PAPPA2: variants seen among roughly 807,000 people sequenced by gnomAD.
PAPPA2 encodes pappalysin 2, also known as pappalysin-2.
A neutral mutation model predicts 176.4 loss-of-function variants in PAPPA2; 86 were observed. The ratio of observed to expected loss-of-function variants is 0.49; its 90% CI spans 0.41 to 0.58. The LOEUF (loss-of-function observed/expected upper bound fraction) is 0.58. Ranked by LOEUF, PAPPA2 falls within the 20% of genes least tolerant of loss-of-function variation. The pLI, the probability that PAPPA2 is intolerant of heterozygous loss-of-function variation, is 0.00. For synonymous variants in PAPPA2, 809 were observed against 852.2 expected (o/e 0.95, Z 0.88); for missense variants, 2,073 against 2,256.9 (o/e 0.92, Z 1.65).
chr1:176,500,981 A>G (rs1289332275), intron 1 of PAPPA2, among the ~76,000 whole-genome samples: 1 of 151,760 alleles, frequency 6.6e-6, no homozygotes, highest in Non-Finnish European at 1.5e-5. Context: ...GCGTACTGTC[A>G]ACCTTACTAG....
At chr1:176,565,677 C>T (rs1278009184) in intron 2 of PAPPA2, among the ~76,000 whole-genome samples, 1 of 152,184 alleles carries the variant, frequency 6.6e-6, no homozygotes, top group Non-Finnish European at 1.5e-5. Context: ...GCCTGGGGGA[C>T]AGAATGAGAA....
intron 1 of PAPPA2, among the ~76,000 whole-genome samples, chr1:176,497,492 A>T (rs781771789): frequency 3.0e-4 from 46 of 152,340 alleles, no homozygotes; most frequent in Non-Finnish European, 5.7e-4. Flanking sequence ...TGGAGCAGGG[A>T]TTTCAATCTG....
At chr1:176,537,188 T>C (rs2102560148) in intron 1 of PAPPA2, 1 of 152,324 alleles carries the variant, frequency 6.6e-6, no homozygotes, top group Middle Eastern at 3.4e-3. Context: ...GGTAAGCATG[T>C]TGTTGAAATA....
intron 3 of PAPPA2, among the ~76,000 whole-genome samples, chr1:176,647,540 T>C (rs1657472273): frequency 6.6e-6 from 1 of 151,770 alleles, no homozygotes; most frequent in Non-Finnish European, 1.5e-5. Flanking sequence ...AGTTTCATAG[T>C]TTGAGGCCTT....
chr1:176,706,301 G>A, intron 9 of PAPPA2, 58 bp from the exon 10 acceptor site: 1 of 1,470,022 alleles, frequency 6.8e-7, no homozygotes, highest in Non-Finnish European at 9.4e-7. Flanking sequence ...AATGATGGTA[G>A]CTAAACAAGA....
intron 17 of PAPPA2, among the ~76,000 whole-genome samples, chr1:176,771,384 C>T (rs1033844094): frequency 2.0e-5 from 3 of 152,196 alleles, no homozygotes; most frequent in Admixed American, 6.5e-5. Context: ...AATTTCTGCC[C>T]TAATGATCGC....
At chr1:176,560,454 A>G (rs1651598841) in intron 2 of PAPPA2, among the ~76,000 whole-genome samples, 1 of 152,222 alleles carries the variant, frequency 6.6e-6, no homozygotes, top group Admixed American at 6.5e-5. Flanking sequence ...TGCAAGGTAG[A>G]TCTTCTGAAG....
intron 2 of PAPPA2, among the ~76,000 whole-genome samples, chr1:176,570,573 A>G (rs1349428841): frequency 6.6e-6 from 1 of 151,944 alleles, no homozygotes. Flanking sequence ...AATCCTTATA[A>G]TACAACCCAT....
chr1:176,727,715 C>T (rs1410947618), intron 12 of PAPPA2, among the ~76,000 whole-genome samples: 1 of 151,718 alleles, frequency 6.6e-6, no homozygotes, highest in Non-Finnish European at 1.5e-5. Flanking sequence ...AATATCATGA[C>T]CTAACTCACA....
intron 21 of PAPPA2, among the ~76,000 whole-genome samples, chr1:176,826,714 C>T (rs1203247118): frequency 6.6e-6 from 1 of 152,222 alleles, no homozygotes; most frequent in African/African-American, 2.4e-5. Flanking sequence ...TGCCATTTTT[C>T]AGGTCAACTG....
chr1:176,761,335 T>C (rs1382997993), intron 14 of PAPPA2, among the ~76,000 whole-genome samples: 1 of 152,164 alleles, frequency 6.6e-6, no homozygotes, highest in Non-Finnish European at 1.5e-5. Context: ...CTTGTTAAAA[T>C]GGAAATACCT....
intron 2 of PAPPA2, among the ~76,000 whole-genome samples, chr1:176,557,812 C>T (rs563513554): frequency 6.6e-6 from 1 of 152,294 alleles, no homozygotes; most frequent in South Asian, 2.1e-4. Flanking sequence ...TTTGTCACAA[C>T]AATCATGTGT....
intron 12 of PAPPA2, among the ~76,000 whole-genome samples, chr1:176,714,232 A>G (rs1263394024): frequency 6.6e-6 from 1 of 152,234 alleles, no homozygotes; most frequent in Non-Finnish European, 1.5e-5. Context: ...ATGCTAAAAA[A>G]TCTAATTCAA....
At chr1:176,631,070 C>T (rs1048681653) in intron 3 of PAPPA2, among the ~76,000 whole-genome samples, 26 of 151,862 alleles carry the variant, frequency 1.7e-4, no homozygotes, top group African/African-American at 5.8e-4. Context: ...AATGCTTCGA[C>T]GAAACTGGAA....
chr1:176,711,162 C>G (rs956694354), intron 11 of PAPPA2, among the ~76,000 whole-genome samples: 1 of 152,154 alleles, frequency 6.6e-6, no homozygotes, highest in Non-Finnish European at 1.5e-5. Flanking sequence ...ACCAGATACA[C>G]TGTCGCCTTG....
intron 22 of PAPPA2, among the ~76,000 whole-genome samples, chr1:176,841,023 T>C (rs537402489): frequency 1.2e-4 from 18 of 152,216 alleles, no homozygotes; most frequent in Non-Finnish European, 2.2e-4. Flanking sequence ...CACTCGCTAA[T>C]GTTTAATCCT....
chr1:176,527,834 C>T (rs770596858), intron 1 of PAPPA2, among the ~76,000 whole-genome samples: 1 of 152,136 alleles, frequency 6.6e-6, no homozygotes, highest in Non-Finnish European at 1.5e-5. Context: ...GAAGCAAGTC[C>T]ATTGAAGGCT....
Position 176,556,906 on chromosome 1 carries a change from C to A in PAPPA2, c.584C>A (p.Ser195Tyr). ...ACCCAAAGGAGGGGCTGGGCCAAGT[C>A]CAGGCAGCGTCGCCAAGTGTGGAAG... The part of the protein sequence containing the change: ...PETQRRGWAK[S>Y]RQRRQVWKRR... Residue 195 changes from serine (S) to tyrosine (Y), a missense_variant, in exon 2 of 23, where the codon TCC (serine) becomes TAC (tyrosine). Ser to Tyr is a moderately radical substitution (Grantham distance 144, BLOSUM62 -2). Coordinates refer to ENST00000367662, the MANE Select transcript of PAPPA2 (RefSeq NM_020318.3). 6.2e-7 allele frequency: 1 copy of A among 1,614,126 alleles called. No individual in the cohort carries two copies.
intron 3 of PAPPA2, among the ~76,000 whole-genome samples, chr1:176,634,430 G>T (rs1052244050): frequency 6.6e-6 from 1 of 152,062 alleles, no homozygotes; most frequent in East Asian, 1.9e-4. Context: ...TCACACACTG[G>T]GGCCTGTTGT....
Sources: allele counts gnomAD v4.1 joint callset (sites outside exome capture counted in the v4.1 genomes callset), GRCh38; gene constraint gnomAD v4.1.1; transcripts MANE v1.5; gene names NCBI Gene and HGNC (gene_info 2026-07-23, HGNC 2026-07-21).